Variants in CCDC92B observed in about 807,000 individuals in gnomAD.
CCDC92B encodes coiled-coil domain containing 92B.
In CCDC92B, 2 loss-of-function variants were observed where a neutral mutation model predicts 5.6. The observed-to-expected ratio is 0.36, with a 90% CI of 0.15 to 1.12. The LOEUF is 1.12. Ranked by LOEUF, CCDC92B falls within the 50% of genes most tolerant of loss-of-function variation. CCDC92B has a pLI of 0.40. For missense variants in CCDC92B, 271 were observed against 262.2 expected (o/e 1.03, Z -0.23); for synonymous variants, 115 against 122.3 (o/e 0.94, Z 0.39).
chr17:2,736,310 C>T (rs1296601618), intron 1 of CCDC92B, among the ~76,000 whole-genome samples: 1 of 152,014 alleles, frequency 6.6e-6, no homozygotes, highest in African/African-American at 2.4e-5. Flanking sequence ...GCTTGTAATC[C>T]CAGCTACTCA....
At chr17:2,733,599 T>C (rs941415180) in intron 2 of CCDC92B, among the ~76,000 whole-genome samples, 2 of 151,836 alleles carry the variant, frequency 1.3e-5, no homozygotes, top group African/African-American at 4.8e-5. Flanking sequence ...AAAGGTGGCA[T>C]CAGGCAGGGC....
chr17:2,724,287 G>T lies in CCDC92B; in HGVS notation c.*124C>A, dbSNP rs917977903. 4 of 984,600 alleles carry T rather than the reference G, an allele frequency of 4.1e-6. No individual in the cohort carries two copies. The African/African-American group carries it at 7.0e-5, about 17-fold the overall frequency. 61.0% of individuals were successfully genotyped at this position (984,600 alleles called of 1,614,324 possible). A position where few individuals can be genotyped will look rare whatever the true frequency, so the allele number is the denominator to read the frequency against. ...CGGGGATTTGGGGGGAGCCGGGGCC[G>T]CCTCGCCCCGCTTCCTGGAGGAGGG... On this transcript the variant is annotated 3_prime_UTR_variant, in exon 4 of 4. Transcript: ENST00000614400. The surrounding 1 kb of genome is among the most constrained non-coding windows in gnomAD (Gnocchi z 5.0).
chr17:2,728,931 T>C (rs565647068), intron 3 of CCDC92B, among the ~76,000 whole-genome samples: 1 of 152,362 alleles, frequency 6.6e-6, no homozygotes, highest in East Asian at 1.9e-4. Flanking sequence ...ACTTCCAGCC[T>C]GTAGCATTTG....
At chr17:2,734,207 A>G (rs930873503) in intron 2 of CCDC92B, among the ~76,000 whole-genome samples, 3 of 151,702 alleles carry the variant, frequency 2.0e-5, no homozygotes, top group Admixed American at 2.0e-4. Flanking sequence ...TTCTCCTGTG[A>G]TATCTTGGCA....
intron 1 of CCDC92B, among the ~76,000 whole-genome samples, chr17:2,743,233 C>T (rs2070942705): frequency 6.6e-6 from 1 of 152,146 alleles, no homozygotes; most frequent in Admixed American, 6.6e-5. Context: ...AGTTCGAGAC[C>T]AGCCTGGCCA....
chr17:2,723,927 T>A lies in CCDC92B; in HGVS notation c.*484A>T, dbSNP rs1055146186. On this transcript the variant is annotated 3_prime_UTR_variant, in exon 4 of 4. Coordinates refer to ENST00000614400, the MANE Select transcript of CCDC92B (RefSeq NM_001355573.2). Reference sequence around the variant, plus strand: ...ACCAGCCCCTAGCCTGGGCCTCTCCTGGGGAGGAAGAAGGCTTGGCGGGAA... The same window carrying A: ...ACCAGCCCCTAGCCTGGGCCTCTCCAGGGGAGGAAGAAGGCTTGGCGGGAA... 2.1e-6 allele frequency: 2 copies of A among 936,720 alleles called. No individual in the cohort carries two copies. Among genetic ancestry groups the A allele is most frequent in the Admixed American group, 1.2e-4 (1 of 8,078 alleles). 58.0% of individuals were successfully genotyped at this position (936,720 alleles called of 1,614,324 possible). A position where few individuals can be genotyped will look rare whatever the true frequency, so the allele number is the denominator to read the frequency against.
chr17:2,731,083 C>A (rs1021747243), intron 2 of CCDC92B, among the ~76,000 whole-genome samples: 2 of 152,194 alleles, frequency 1.3e-5, no homozygotes, highest in African/African-American at 4.8e-5. Flanking sequence ...CCAGTTGCGC[C>A]GTATTCCCCA....
Position 2,742,381 on chromosome 17 carries a change from A to G in CCDC92B, c.-24+7030T>C, listed in dbSNP as rs998619394. Among the ~76,000 whole-genome samples, 5 of 152,168 alleles carry G rather than the reference A, an allele frequency of 3.3e-5. 1 individual carries two copies. The highest frequency in any genetic ancestry group is 4.1e-4 in the South Asian group (2 of 4,834). Reference sequence around the variant, plus strand: ...GGGAGGTCAGCTGGAAGAATAAAGCAGTGGTCAAGGTGCCAGGTGATGGTG... The same window carrying G: ...GGGAGGTCAGCTGGAAGAATAAAGCGGTGGTCAAGGTGCCAGGTGATGGTG... On this transcript the variant is annotated intron_variant, in intron 1 of 3. Transcript: ENST00000614400.
intron 3 of CCDC92B, among the ~76,000 whole-genome samples, chr17:2,730,092 C>T (rs185446195): frequency 1.3e-4 from 20 of 152,300 alleles, no homozygotes; most frequent in Admixed American, 1.2e-3. Flanking sequence ...AGCCACATTA[C>T]CATTTCCTTC....
chr17:2,739,729 A>G (rs12940678), intron 1 of CCDC92B, among the ~76,000 whole-genome samples: 507 of 152,206 alleles, frequency 3.3e-3, no homozygotes, highest in Middle Eastern at 0.02. Context: ...TAGATAGAAT[A>G]AAGAAATGTA....
intron 1 of CCDC92B, among the ~76,000 whole-genome samples, chr17:2,743,031 A>T (rs2070940536): frequency 6.6e-6 from 1 of 152,214 alleles, no homozygotes; most frequent in Admixed American, 6.6e-5. Context: ...CCCAAGTCCA[A>T]GCCAAAAACA....
chr17:2,738,617 G>A (rs556394848), intron 1 of CCDC92B, among the ~76,000 whole-genome samples: 11 of 151,312 alleles, frequency 7.3e-5, no homozygotes, highest in Admixed American at 4.6e-4. Context: ...AAAATTAGCC[G>A]GGTGTGGTGG....
Position 2,722,880 on chromosome 17 carries a change from T to C in CCDC92B, c.*1531A>G, listed in dbSNP as rs978672689. The stretch of plus-strand genomic sequence containing the variant: ...GGATGGCACGGGCTGGAGGGGTTTG[T>C]GTTTCCTTCTAGGCTGGGCTGGGGG... On this transcript the variant is annotated 3_prime_UTR_variant, in exon 4 of 4. Transcript: ENST00000614400. 2.8e-4 allele frequency: 42 copies of C among 152,508 alleles called. No individual in the cohort carries two copies. Among genetic ancestry groups the C allele is most frequent in the African/African-American group, 1.0e-3 (42 of 41,448 alleles). 9.4% of individuals were successfully genotyped at this position (152,508 alleles called of 1,614,324 possible).
intron 1 of CCDC92B, among the ~76,000 whole-genome samples, chr17:2,736,690 C>A (rs952145660): frequency 5.3e-5 from 8 of 151,570 alleles, no homozygotes; most frequent in African/African-American, 1.9e-4. Flanking sequence ...CCAGCCTGGC[C>A]GACGTGGTGA....
chr17:2,733,744 C>T (rs77842938), intron 2 of CCDC92B, among the ~76,000 whole-genome samples: 1,146 of 49,338 alleles, frequency 0.023, 33 homozygotes, highest in African/African-American at 0.091. Flanking sequence ...GGACCACTGG[C>T]TTTTTTTTTT....
chr17:2,725,101 G>A (rs977552227), intron 3 of CCDC92B, 101 bp from the exon 4 acceptor site: 3 of 985,578 alleles, frequency 3.0e-6, no homozygotes, highest in Admixed American at 6.2e-5. Context: ...GGCCGGGCGC[G>A]GGGCCTCATT....
At chr17:2,746,982 C>T (rs1374658643) in intron 1 of CCDC92B, among the ~76,000 whole-genome samples, 1 of 152,096 alleles carries the variant, frequency 6.6e-6, no homozygotes, top group African/African-American at 2.4e-5. Flanking sequence ...TGCTAACCAG[C>T]AGTTTGAAAA....
intron 3 of CCDC92B, among the ~76,000 whole-genome samples, chr17:2,727,607 C>CTT (rs2070744371): frequency 6.6e-6 from 1 of 152,178 alleles, no homozygotes; most frequent in African/African-American, 2.4e-5. Flanking sequence ...GGGCGGATCA[C>CTT]AAGGTCAGGA....
intron 1 of CCDC92B, among the ~76,000 whole-genome samples, chr17:2,735,930 C>A (rs2070853057): frequency 6.6e-6 from 1 of 152,184 alleles, no homozygotes; most frequent in African/African-American, 2.4e-5. Flanking sequence ...GCCCTAGAGT[C>A]TCTTCCAGTT....
Sources: gnomAD v4.1 joint callset for allele counts (sites outside exome capture counted in the v4.1 genomes callset) on GRCh38, gnomAD v4.1.1 for gene constraint, Gnocchi (gnomAD v3.1) non-coding constraint, MANE v1.5 for transcripts, NCBI Gene and HGNC (gene_info 2026-07-23, HGNC 2026-07-21) for gene names.